GABRG3: variants seen among roughly 807,000 people sequenced by gnomAD.
The protein encoded by GABRG3 is gamma-aminobutyric acid receptor subunit gamma-3.
GABRG3 carries 25 observed loss-of-function variants against 48.8 expected under a neutral mutation model. The ratio of observed to expected loss-of-function variants is 0.51; its 90% CI spans 0.37 to 0.72. The LOEUF (loss-of-function observed/expected upper bound fraction) is 0.72, where lower values mean the gene tolerates loss of function less well. GABRG3 is among the 30% of genes least tolerant of loss of function. GABRG3 has a pLI of 0.00. For missense variants in GABRG3, 394 were observed against 577.9 expected (o/e 0.68, Z 3.26); for synonymous variants, 227 against 217.6 (o/e 1.04, Z -0.38).
At chr15:27,168,619 T>C (rs1887460066) in intron 3 of GABRG3, among the ~76,000 whole-genome samples, 1 of 152,160 alleles carries the variant, frequency 6.6e-6, no homozygotes, top group Non-Finnish European at 1.5e-5. Flanking sequence ...TGGGAGGTGT[T>C]AGGTCCCAGT....
intron 5 of GABRG3, among the ~76,000 whole-genome samples, chr15:27,456,677 G>A (rs1212213218): frequency 6.6e-6 from 1 of 152,176 alleles, no homozygotes; most frequent in Non-Finnish European, 1.5e-5. Context: ...CCTGGAGTTT[G>A]GGGACTGCAG....
chr15:26,992,710 T>C (rs1389009136), intron 2 of GABRG3, among the ~76,000 whole-genome samples: 1 of 152,176 alleles, frequency 6.6e-6, no homozygotes, highest in African/African-American at 2.4e-5. Flanking sequence ...TTGGTTTTGG[T>C]ATCAAGGTAA....
At position 26,976,867 on chromosome 15, in the gene GABRG3, T is replaced by C; in HGVS notation, c.54-135T>C. On this transcript the variant is annotated intron_variant, in intron 1 of 9. Coordinates refer to ENST00000615808, the MANE Select transcript of GABRG3 (RefSeq NM_033223.5). This position sits in a 1 kb window ranked among gnomAD's most constrained non-coding sequence, Gnocchi z 7.8. ...TTTCTTTTTAGAAAATATTTTCGGG[T>C]TTTCACGTGTGTGGTTGGGCTGTGG... The C allele has an allele frequency of 1.3e-6, 1 of 762,416 alleles. No individual in the cohort carries two copies. Among genetic ancestry groups the C allele is most frequent in the Non-Finnish European group, 2.2e-6 (1 of 464,492 alleles). 47.2% of individuals were successfully genotyped at this position (762,416 alleles called of 1,614,324 possible).
At chr15:27,207,040 C>T (rs1191793805) in intron 3 of GABRG3, among the ~76,000 whole-genome samples, 1 of 152,046 alleles carries the variant, frequency 6.6e-6, no homozygotes, top group Non-Finnish European at 1.5e-5. Context: ...GTGTTTAGTC[C>T]ATTTATGTTT....
chr15:27,307,026 AAAC>A (rs1892570364), intron 3 of GABRG3, among the ~76,000 whole-genome samples: 1 of 123,340 alleles, frequency 8.1e-6, no homozygotes, highest in Non-Finnish European at 1.6e-5. Flanking sequence ...GTTTATATAT[AAAC>A]ATGTATAAAA....
At position 27,289,192 on chromosome 15, in the gene GABRG3, A is replaced by C. The variant is rs377139870; in HGVS notation, c.271-37617A>C. Among the ~76,000 whole-genome samples the C allele has an allele frequency of 5.9e-5, 9 of 152,056 alleles. No homozygotes were observed. In the East Asian group the frequency reaches 9.7e-4, roughly 16 times the overall value. On this transcript the variant is annotated intron_variant, in intron 3 of 9. Transcript: ENST00000615808. Reference sequence around the variant, plus strand: ...GGTTTCCTGTGCATCTTAAATCTGTAACTTTTTTCCTTGATCCATTTAGGT... The same window carrying C: ...GGTTTCCTGTGCATCTTAAATCTGTCACTTTTTTCCTTGATCCATTTAGGT...
chr15:27,412,692 A>C (rs1449893964), intron 5 of GABRG3, among the ~76,000 whole-genome samples: 1 of 152,230 alleles, frequency 6.6e-6, no homozygotes, highest in Admixed American at 6.5e-5. Context: ...TGTGCTGAGC[A>C]TTCTAATGCA....
intron 5 of GABRG3, among the ~76,000 whole-genome samples, chr15:27,460,669 G>A (rs949215945): frequency 6.6e-6 from 1 of 152,214 alleles, no homozygotes. Flanking sequence ...TCTCTGATTT[G>A]TGATCGGCTA....
chr15:27,018,737 G>A (rs915642662), intron 2 of GABRG3, among the ~76,000 whole-genome samples: 3 of 152,136 alleles, frequency 2.0e-5, no homozygotes, highest in African/African-American at 7.2e-5. Flanking sequence ...CCGTCTCAGG[G>A]CTTCAATACT....
At chr15:27,084,182 T>C (rs1053407891) in intron 3 of GABRG3, among the ~76,000 whole-genome samples, 6 of 152,226 alleles carry the variant, frequency 3.9e-5, no homozygotes, top group Non-Finnish European at 8.8e-5. Flanking sequence ...GAATGTTGAT[T>C]CTTTCAGTTC....
intron 3 of GABRG3, among the ~76,000 whole-genome samples, chr15:27,074,549 A>G (rs2140737872): frequency 6.6e-6 from 1 of 151,876 alleles, no homozygotes; most frequent in South Asian, 2.1e-4. Context: ...GGGACTGCCC[A>G]AGGCTGGAGT....
intron 6 of GABRG3, among the ~76,000 whole-genome samples, chr15:27,515,302 C>T (rs146816348): frequency 3.1e-4 from 47 of 152,166 alleles, no homozygotes; most frequent in African/African-American, 1.1e-3. Flanking sequence ...CCATGTTGGC[C>T]AGGTGGATTT....
At chr15:26,984,630 C>T (rs1418987341) in intron 2 of GABRG3, among the ~76,000 whole-genome samples, 2 of 152,092 alleles carry the variant, frequency 1.3e-5, no homozygotes, top group East Asian at 3.8e-4. Flanking sequence ...TGTCATTTTT[C>T]TTGGAACAGA....
rs930061398 is a variant in GABRG3 at position 26,997,013 on chromosome 15, C to A, written c.202+19863C>A. ...GAATCTCTGTTAGTTTTTCATCATTCCTTTTTCTCTGTGTTTCAGATTTCA... is the reference window on the plus strand; with the variant it reads ...GAATCTCTGTTAGTTTTTCATCATTACTTTTTCTCTGTGTTTCAGATTTCA... On this transcript the variant is annotated intron_variant, in intron 2 of 9. Transcript: ENST00000615808. 2.0e-5 allele frequency among the ~76,000 whole-genome samples: 3 copies of A among 152,066 alleles called. No homozygotes were observed. In the South Asian group the frequency reaches 6.2e-4, roughly 32 times the overall value.
intron 2 of GABRG3, among the ~76,000 whole-genome samples, chr15:26,990,864 G>A (rs1432142830): frequency 6.7e-6 from 1 of 149,770 alleles, no homozygotes; most frequent in African/African-American, 2.5e-5. Context: ...AAGTGCAGTG[G>A]TGCAATCTCG....
At chr15:27,452,843 C>T (rs1033242655) in intron 5 of GABRG3, among the ~76,000 whole-genome samples, 1 of 152,168 alleles carries the variant, frequency 6.6e-6, no homozygotes, top group Non-Finnish European at 1.5e-5. Context: ...AGCTGCAATT[C>T]CATGTTAATT....
At chr15:27,529,925 A>G (rs1215870741) in intron 9 of GABRG3, among the ~76,000 whole-genome samples, 1 of 152,054 alleles carries the variant, frequency 6.6e-6, no homozygotes, top group African/African-American at 2.4e-5. Context: ...GGAAAGTTTA[A>G]TGACCTTAAA....
At chr15:27,098,715 T>C (rs1015702326) in intron 3 of GABRG3, among the ~76,000 whole-genome samples, 1 of 152,084 alleles carries the variant, frequency 6.6e-6, no homozygotes, top group South Asian at 2.1e-4. Context: ...TAGAAATTCT[T>C]GCAGAATTCA....
At chr15:27,368,545 T>A (rs958567643) in intron 5 of GABRG3, among the ~76,000 whole-genome samples, 5 of 152,212 alleles carry the variant, frequency 3.3e-5, no homozygotes, top group Admixed American at 1.3e-4. Context: ...GTTGGGCATG[T>A]CCCTGTCCTG....
Sources: gnomAD v4.1 joint callset for allele counts (sites outside exome capture counted in the v4.1 genomes callset) on GRCh38, gnomAD v4.1.1 for gene constraint, Gnocchi (gnomAD v3.1) non-coding constraint, MANE v1.5 for transcripts, NCBI Gene and HGNC (gene_info 2026-07-23, HGNC 2026-07-21) for gene names.